The following IL34 variants were observed in gnomAD, a reference collection of about 807,000 sequenced individuals.
IL34 encodes the protein interleukin-34.
A neutral mutation model predicts 25.3 loss-of-function variants in IL34; 17 were observed. That is an observed-to-expected ratio of 0.67 (90% CI 0.46 to 1.01). The LOEUF (loss-of-function observed/expected upper bound fraction) is 1.01, where lower values mean the gene tolerates loss of function less well. Ranked by LOEUF, IL34 falls within the 50% of genes least tolerant of loss-of-function variation. IL34 has a pLI of 0.00. For synonymous variants in IL34, 174 were observed against 140.9 expected (o/e 1.23, Z -1.66); for missense variants, 368 against 312.9 (o/e 1.18, Z -1.33).
intron 1 of IL34, among the ~76,000 whole-genome samples, chr16:70,626,539 G>A (rs1201533126): frequency 1.3e-5 from 2 of 152,098 alleles, no homozygotes; most frequent in Non-Finnish European, 2.9e-5. Flanking sequence ...TGGGATTACA[G>A]GCATGCGCCA....
At chr16:70,620,480 G>A (rs2051257565) in intron 1 of IL34, among the ~76,000 whole-genome samples, 1 of 152,012 alleles carries the variant, frequency 6.6e-6, no homozygotes. Flanking sequence ...CGGAGGCTGA[G>A]GAAGAATTGG....
In IL34 at chr16:70,646,881, C is replaced by A. The variant is rs2051946291; in HGVS notation, c.-67C>A. 40 of 1,426,072 alleles carry A rather than the reference C, an allele frequency of 2.8e-5. No homozygotes were observed. In the South Asian group the frequency reaches 5.4e-4, roughly 19 times the overall value. The allele number at this position is 1,426,072 out of a possible 1,614,324, so 88.3% of individuals were successfully genotyped here. A position where few individuals can be genotyped will look rare whatever the true frequency, so the allele number is the denominator to read the frequency against. On this transcript the variant is annotated 5_prime_UTR_variant, in exon 1 of 6. Transcript: ENST00000288098. ...CTGCCCCGAGGCCATGTAGGCCGTG[C>A]TTAGGCCTCTGTGGACACACTGCTG... is the stretch of plus-strand genomic sequence containing the variant.
chr16:70,630,788 G>T (rs1237614229), intron 1 of IL34, among the ~76,000 whole-genome samples: 4 of 152,012 alleles, frequency 2.6e-5, no homozygotes, highest in Admixed American at 2.6e-4. Context: ...GCCCAGGCTG[G>T]CCTCAAACTC....
intron 2 of IL34, among the ~76,000 whole-genome samples, chr16:70,655,420 G>T (rs1011666961): frequency 4.0e-5 from 6 of 148,970 alleles, no homozygotes; most frequent in African/African-American, 1.5e-4. Context: ...ACAGGGTCTT[G>T]CTCTGTTGCC....
intron 1 of IL34, among the ~76,000 whole-genome samples, chr16:70,633,200 A>C (rs2051558526): frequency 6.6e-6 from 1 of 151,350 alleles, no homozygotes; most frequent in African/African-American, 2.4e-5. Context: ...CCTGAGCTCA[A>C]GTGATCTGTC....
At chr16:70,625,786 T>A (rs1382756446) in intron 1 of IL34, among the ~76,000 whole-genome samples, 2 of 151,980 alleles carry the variant, frequency 1.3e-5, no homozygotes, top group African/African-American at 2.4e-5. Flanking sequence ...GAGATTGAAG[T>A]GTGACGCCAA....
intron 1 of IL34, among the ~76,000 whole-genome samples, chr16:70,621,700 C>T (rs974648188): frequency 6.6e-6 from 1 of 151,876 alleles, no homozygotes; most frequent in African/African-American, 2.4e-5. Context: ...AGGCTGAGTC[C>T]GAAAAGAGAG....
chr16:70,631,021 T>G (rs1326782147), intron 1 of IL34, among the ~76,000 whole-genome samples: 1 of 152,232 alleles, frequency 6.6e-6, no homozygotes, highest in African/African-American at 2.4e-5. Context: ...GCAGTGAAGT[T>G]GCTGGATCAT....
intron 1 of IL34, among the ~76,000 whole-genome samples, chr16:70,613,916 G>A (rs757395301): frequency 5.3e-5 from 8 of 151,742 alleles, no homozygotes; most frequent in Non-Finnish European, 7.4e-5. Context: ...AGCCAGGCAC[G>A]GTGGCTCACC....
In IL34 at chr16:70,633,357, G is replaced by C. The variant is rs568989827; in HGVS notation, c.-400-13191G>C. Among the ~76,000 whole-genome samples, 19 of 151,730 alleles carry C rather than the reference G, an allele frequency of 1.3e-4. No homozygotes were observed. The South Asian group carries it at 2.5e-3, about 20-fold the overall frequency. On this transcript the variant is annotated intron_variant, in intron 1 of 6. Transcript: ENST00000429149. ...CAGCTTTGACCTCCCAGGCTAAAGCGATCCACCTGCCTCAGCCTCCTGAGT... is the reference window on the plus strand; with the variant it reads ...CAGCTTTGACCTCCCAGGCTAAAGCCATCCACCTGCCTCAGCCTCCTGAGT...
upstream of IL34, among the ~76,000 whole-genome samples, chr16:70,644,974 GAA>G (rs1384049239): frequency 7.5e-6 from 1 of 133,800 alleles, no homozygotes; most frequent in Non-Finnish European, 1.6e-5. Flanking sequence ...AGGAGGAAGA[GAA>G]AGGGAGTAGG....
At chr16:70,599,691 T>C (rs74527664) in intron 1 of IL34, among the ~76,000 whole-genome samples, 4 of 150,984 alleles carry the variant, frequency 2.6e-5, no homozygotes, top group African/African-American at 7.3e-5. Context: ...TTTTTTTTTT[T>C]GGAGACAGGG....
chr16:70,586,834 G>A (rs2050700472), intron 1 of IL34, among the ~76,000 whole-genome samples: 1 of 152,196 alleles, frequency 6.6e-6, no homozygotes, highest in Non-Finnish European at 1.5e-5. Context: ...CCACGGTCAC[G>A]CAGGCGGGAG....
At chr16:70,659,931 G>A (rs1203787614) in intron 5 of IL34, 66 bp from the exon 6 acceptor site, 7 of 1,502,840 alleles carry the variant, frequency 4.7e-6, no homozygotes, top group South Asian at 4.0e-5. Flanking sequence ...CATGCGGCTT[G>A]GCTTAGTGGG....
At chr16:70,599,045 G>C (rs2050866327) in intron 1 of IL34, among the ~76,000 whole-genome samples, 1 of 152,148 alleles carries the variant, frequency 6.6e-6, no homozygotes, top group Non-Finnish European at 1.5e-5. Flanking sequence ...TCAGCAAAAG[G>C]CAAGGCTAGG....
intron 1 of IL34, among the ~76,000 whole-genome samples, chr16:70,617,731 G>A (rs1222006235): frequency 2.6e-4 from 39 of 148,560 alleles, no homozygotes; most frequent in South Asian, 6.5e-4. Flanking sequence ...ACGGAGGACC[G>A]TAAGGGATAT....
intron 4 of IL34, among the ~76,000 whole-genome samples, chr16:70,657,867 CAG>C (rs753300001): frequency 2.7e-4 from 41 of 152,266 alleles, no homozygotes; most frequent in Non-Finnish European, 3.4e-4. Flanking sequence ...AACTGTACAA[CAG>C]AGAGTGTGAG....
rs374460168 is a variant in IL34, at chr16:70,633,289, T to C, written c.-400-13259T>C. Among the ~76,000 whole-genome samples, 29 of 151,886 alleles carry C rather than the reference T, an allele frequency of 1.9e-4. 1 individual carries two copies. The South Asian group carries it at 5.8e-3, about 31-fold the overall frequency. On this transcript the variant is annotated intron_variant, in intron 1 of 6. Coordinates refer to the IL34 transcript ENST00000429149. ...TTTCTTTTAAGACAGGGTCTCACTC[T>C]GTTGCTCATGCTGGAGTGCAGTGAC...
intron 1 of IL34, among the ~76,000 whole-genome samples, chr16:70,616,999 G>C (rs1020836517): frequency 1.3e-5 from 2 of 152,040 alleles, no homozygotes; most frequent in Non-Finnish European, 1.5e-5. Flanking sequence ...GTGGTATGGA[G>C]AGAGAGTGGG....
Sources: allele counts gnomAD v4.1 joint callset (sites outside exome capture counted in the v4.1 genomes callset), GRCh38; gene constraint gnomAD v4.1.1; transcripts MANE v1.5; gene names NCBI Gene and HGNC (gene_info 2026-07-23, HGNC 2026-07-21).